CWH43: variants seen among roughly 807,000 people sequenced by gnomAD.
The protein encoded by CWH43 is cell wall biogenesis 43 C-terminal homolog.
Under a neutral mutation model 85.7 loss-of-function variants are expected in CWH43, and 91 were observed. The observed-to-expected ratio is 1.06, with a 90% CI of 0.90 to 1.26. The LOEUF is 1.26. Among genes scored for constraint, CWH43 ranks in the 50% most tolerant of loss-of-function variants. The pLI, the probability that CWH43 is intolerant of heterozygous loss-of-function variation, is 0.00. For missense variants in CWH43, 869 were observed against 839.2 expected, an observed-to-expected ratio of 1.04 and a Z score of -0.44; for synonymous variants, 323 against 293.6, an observed-to-expected ratio of 1.10 and a Z score of -1.02.
intron 9 of CWH43, among the ~76,000 whole-genome samples, chr4:49,019,911 G>A (rs1379163269): frequency 6.6e-6 from 1 of 151,922 alleles, no homozygotes; most frequent in Admixed American, 6.6e-5. Flanking sequence ...GGTGGTTTTT[G>A]GTTATGTGGA....
chr4:49,046,671 C>T (rs546885871), intron 14 of CWH43, among the ~76,000 whole-genome samples: 1 of 152,124 alleles, frequency 6.6e-6, no homozygotes, highest in East Asian at 1.9e-4. Context: ...AGGAAGAGCA[C>T]TTCAGGCAGG....
intron 5 of CWH43, among the ~76,000 whole-genome samples, chr4:48,997,622 A>G (rs1782854081): frequency 6.6e-6 from 1 of 152,120 alleles, no homozygotes; most frequent in South Asian, 2.1e-4. Context: ...TAATGTGGCT[A>G]ACAGCCTCAT....
At position 49,024,871 on chromosome 4, in the gene CWH43, G is replaced by A. The variant is rs372811920; in HGVS notation, c.1267-3758G>A. On this transcript the variant is annotated intron_variant, in intron 9 of 15. Coordinates refer to ENST00000226432, the MANE Select transcript of CWH43 (RefSeq NM_025087.3). ...GCAATGTATTTCCCAAGTGTTTTTT[G>A]AGCTTCTTGTATTTGGTTGTCTAGA... 4.0e-5 allele frequency among the ~76,000 whole-genome samples: 6 copies of A among 151,778 alleles called. No individual in the cohort carries two copies. In the East Asian group the frequency reaches 1.2e-3, roughly 29 times the overall value.
At chr4:48,994,529 C>T in intron 4 of CWH43, 90 bp from the exon 5 acceptor site, 2 of 1,087,686 alleles carry the variant, frequency 1.8e-6, no homozygotes, top group Non-Finnish European at 2.8e-6. Flanking sequence ...AAGCCAAATA[C>T]CATTTCTTCC....
At chr4:49,009,543 T>G (rs1377806781) in intron 8 of CWH43, among the ~76,000 whole-genome samples, 1 of 152,190 alleles carries the variant, frequency 6.6e-6, no homozygotes, top group Non-Finnish European at 1.5e-5. Context: ...AGGGCATACT[T>G]GTCTTGTGCT....
chr4:49,052,351 A>T (rs1784826786), intron 15 of CWH43, among the ~76,000 whole-genome samples: 4 of 152,162 alleles, frequency 2.6e-5, no homozygotes, highest in Admixed American at 2.6e-4. Flanking sequence ...TGCCTCATCT[A>T]AAAATGGGAA....
intron 8 of CWH43, 46 bp from the exon 9 acceptor site, chr4:49,017,202 AT>A: frequency 4.7e-6 from 7 of 1,489,962 alleles, no homozygotes; most frequent in Admixed American, 3.6e-5. Context: ...AATTTATTTT[AT>A]TTTATTTATT....
chr4:49,051,685 T>A (rs574060096), intron 15 of CWH43, among the ~76,000 whole-genome samples: 2 of 152,266 alleles, frequency 1.3e-5, no homozygotes, highest in African/African-American at 4.8e-5. Context: ...AAAGCAATTC[T>A]CCTGTCTCAG....
At chr4:49,031,536 G>A (rs1224556068) in intron 11 of CWH43, among the ~76,000 whole-genome samples, 2 of 152,160 alleles carry the variant, frequency 1.3e-5, no homozygotes, top group Admixed American at 1.3e-4. Flanking sequence ...CAACTGGTAA[G>A]AAAGGAAGTC....
Position 49,016,949 on chromosome 4 carries a change from C to A in CWH43, c.1187-300C>A, listed in dbSNP as rs191437727. On this transcript the variant is annotated intron_variant, in intron 8 of 15. Transcript: ENST00000226432. ...TCTCCCCAGTAAAGGCCCCATTAGT[C>A]ACTTTGTAGCAGTTCTGCGCAGGCA... The A allele has an allele frequency of 1.9e-5, 15 of 783,582 alleles. No individual in the cohort carries two copies. In the African/African-American group the frequency reaches 2.4e-4, roughly 12 times the overall value. The allele number at this position is 783,582 out of a possible 1,614,324, so 48.5% of individuals were successfully genotyped here.
chr4:49,050,434 A>T (rs546325384), intron 14 of CWH43, among the ~76,000 whole-genome samples: 1 of 152,236 alleles, frequency 6.6e-6, no homozygotes. Context: ...TAGAATATTC[A>T]TTAGTATAAA....
chr4:49,045,848 T>G (rs1162225776), intron 14 of CWH43, among the ~76,000 whole-genome samples: 1 of 152,180 alleles, frequency 6.6e-6, no homozygotes, highest in East Asian at 1.9e-4. Flanking sequence ...ATCAATTACC[T>G]TAAACATTTA....
rs1208667338 is a variant in CWH43 at position 48,991,815 on chromosome 4, C to A, written c.357-121C>A. 6 of 962,470 alleles carry A rather than the reference C, an allele frequency of 6.2e-6. No individual in the cohort carries two copies. The East Asian group carries it at 1.5e-4, about 24-fold the overall frequency. The allele number at this position is 962,470 out of a possible 1,614,324, so 59.6% of individuals were successfully genotyped here. On this transcript the variant is annotated intron_variant, in intron 3 of 15. Transcript: ENST00000226432. ...TGCTATATAGAGGCTAAATCACATT[C>A]ATTATTGCAAATTACCAATAAGACT...
At chr4:49,029,142 A>G (rs1784011306) in intron 10 of CWH43, among the ~76,000 whole-genome samples, 1 of 152,194 alleles carries the variant, frequency 6.6e-6, no homozygotes, top group South Asian at 2.1e-4. Context: ...TACTGTGTCT[A>G]TGTAGAAAAG....
At chr4:49,023,272 C>T (rs996431042) in intron 9 of CWH43, among the ~76,000 whole-genome samples, 1 of 152,128 alleles carries the variant, frequency 6.6e-6, no homozygotes, top group African/African-American at 2.4e-5. Context: ...TTTTAAATTT[C>T]CATCTGATTT....
chr4:49,017,413 C>G, intron 9 of CWH43, 85 bp downstream of exon 9: 2 of 995,508 alleles, frequency 2.0e-6, no homozygotes, highest in Non-Finnish European at 3.0e-6. Context: ...CTGATTGAAC[C>G]TGGATCTGAT....
At chr4:49,003,260 A>G (rs1242829533) in intron 6 of CWH43, among the ~76,000 whole-genome samples, 1 of 152,178 alleles carries the variant, frequency 6.6e-6, no homozygotes, top group Non-Finnish European at 1.5e-5. Context: ...GGAAAAGTCA[A>G]TGTACCTCTT....
chr4:49,012,786 G>T (rs116247269), intron 8 of CWH43, among the ~76,000 whole-genome samples: 1 of 152,106 alleles, frequency 6.6e-6, no homozygotes, highest in Non-Finnish European at 1.5e-5. Flanking sequence ...CGTTTGCCTG[G>T]GTATCACCAG....
chr4:49,024,306 A>G (rs1022700594), intron 9 of CWH43, among the ~76,000 whole-genome samples: 23 of 152,118 alleles, frequency 1.5e-4, no homozygotes, highest in Admixed American at 1.4e-3. Flanking sequence ...TCTGCATTCT[A>G]TATCTTTTAA....
Sources: gnomAD v4.1 joint callset for allele counts (sites outside exome capture counted in the v4.1 genomes callset) on GRCh38, gnomAD v4.1.1 for gene constraint, MANE v1.5 for transcripts, NCBI Gene and HGNC (gene_info 2026-07-23, HGNC 2026-07-21) for gene names.